The following TAFA1 variants were observed in gnomAD, a reference collection of about 807,000 sequenced individuals.
TAFA1 encodes chemokine-like protein TAFA-1.
A neutral mutation model predicts 18.5 loss-of-function variants in TAFA1; 4 were observed. The observed-to-expected ratio is 0.22, with a 90% confidence interval of 0.11 to 0.49. The LOEUF (loss-of-function observed/expected upper bound fraction) is 0.49, where lower values mean the gene tolerates loss of function less well. TAFA1 is among the 20% of genes least tolerant of loss of function. TAFA1 has a pLI of 0.98. For synonymous variants in TAFA1, 56 were observed against 55.2 expected, an observed-to-expected ratio of 1.01 and a Z score of -0.06; for missense variants, 147 against 169.0, an observed-to-expected ratio of 0.87 and a Z score of 0.72.
chr3:68,385,541 G>A (rs916751645), intron 2 of TAFA1, among the ~76,000 whole-genome samples: 11 of 152,014 alleles, frequency 7.2e-5, no homozygotes, highest in Admixed American at 1.3e-4. Flanking sequence ...TACACTATTC[G>A]TTTCTGCCTT....
chr3:68,483,714 T>C (rs1215349578), intron 3 of TAFA1, among the ~76,000 whole-genome samples: 1 of 152,192 alleles, frequency 6.6e-6, no homozygotes, highest in Non-Finnish European at 1.5e-5. Context: ...GTGGGGCTGA[T>C]ATAGGTAAAC....
At chr3:68,233,156 G>A (rs1559568717) in intron 2 of TAFA1, among the ~76,000 whole-genome samples, 1 of 151,774 alleles carries the variant, frequency 6.6e-6, no homozygotes. Context: ...TATCTTTTTT[G>A]AGAAATTTCT....
chr3:68,512,911 C>T (rs2072870971), intron 3 of TAFA1, among the ~76,000 whole-genome samples: 1 of 152,072 alleles, frequency 6.6e-6, no homozygotes, highest in African/African-American at 2.4e-5. Context: ...TCCATCTCCA[C>T]CTTTGTACAT....
At position 68,273,645 on chromosome 3, in the gene TAFA1, A is replaced by G. The variant is rs7626268; in HGVS notation, c.119-143635A>G. Reference sequence around the variant, plus strand: ...CTCCCTAAGACTAATAGAAATTGTGATTTGAAACCACTCTTGCTTCTGTAA... The same window carrying G: ...CTCCCTAAGACTAATAGAAATTGTGGTTTGAAACCACTCTTGCTTCTGTAA... On this transcript the variant is annotated intron_variant, in intron 2 of 4. Coordinates refer to ENST00000478136, the MANE Select transcript of TAFA1 (RefSeq NM_213609.4). 7.7e-3 allele frequency among the ~76,000 whole-genome samples: 1,168 copies of G among 152,172 alleles called. 14 individuals carry two copies. Among genetic ancestry groups the G allele is most frequent in the African/African-American group, 0.025 (1,025 of 41,528 alleles).
At chr3:68,445,593 A>C (rs558103932) in intron 3 of TAFA1, among the ~76,000 whole-genome samples, 2 of 152,248 alleles carry the variant, frequency 1.3e-5, no homozygotes, top group African/African-American at 4.8e-5. Flanking sequence ...CTGTAAACTG[A>C]CTAGGAGGGA....
chr3:68,108,743 A>C (rs770855190), intron 2 of TAFA1, among the ~76,000 whole-genome samples: 1 of 152,118 alleles, frequency 6.6e-6, no homozygotes, highest in African/African-American at 2.4e-5. Flanking sequence ...TTCAAAACAA[A>C]ATAGAATATG....
intron 3 of TAFA1, among the ~76,000 whole-genome samples, chr3:68,456,584 C>T (rs2071670447): frequency 6.6e-6 from 1 of 152,168 alleles, no homozygotes; most frequent in South Asian, 2.1e-4. Flanking sequence ...TTAGATCTTT[C>T]ACCTTCCTTT....
intron 2 of TAFA1, among the ~76,000 whole-genome samples, chr3:68,223,997 A>G (rs1451053472): frequency 1.3e-5 from 2 of 150,920 alleles, no homozygotes; most frequent in African/African-American, 2.4e-5. Flanking sequence ...AGTTAATGAG[A>G]ATAAAATTTA....
At chr3:68,285,838 A>G (rs1389749671) in intron 2 of TAFA1, among the ~76,000 whole-genome samples, 1 of 152,228 alleles carries the variant, frequency 6.6e-6, no homozygotes, top group Non-Finnish European at 1.5e-5. Context: ...ACGTGAGAGC[A>G]AAGATATGAA....
At chr3:68,313,071 G>T (rs2068547399) in intron 2 of TAFA1, among the ~76,000 whole-genome samples, 1 of 152,110 alleles carries the variant, frequency 6.6e-6, no homozygotes, top group South Asian at 2.1e-4. Flanking sequence ...CATGAGAAAA[G>T]AATGGGAAAG....
intron 2 of TAFA1, among the ~76,000 whole-genome samples, chr3:68,041,661 G>A (rs7373042): frequency 0.59 from 89,794 of 152,138 alleles, 26,896 homozygotes; most frequent in East Asian, 0.65. Context: ...GTGTGGAGAA[G>A]CAGGACAGTC....
chr3:68,003,292 C>A (rs992350702), upstream of TAFA1, among the ~76,000 whole-genome samples: 6 of 152,174 alleles, frequency 3.9e-5, no homozygotes, highest in African/African-American at 9.7e-5. Context: ...CAGCATTGGA[C>A]CTTCTTTATT....
At chr3:68,183,197 T>G (rs1481608680) in intron 2 of TAFA1, among the ~76,000 whole-genome samples, 2 of 152,172 alleles carry the variant, frequency 1.3e-5, no homozygotes, top group Non-Finnish European at 2.9e-5. Context: ...AAGTTCACCT[T>G]TTAAAGTTAT....
At chr3:68,055,238 G>T (rs968044160) in intron 2 of TAFA1, among the ~76,000 whole-genome samples, 1 of 152,162 alleles carries the variant, frequency 6.6e-6, no homozygotes, top group African/African-American at 2.4e-5. Flanking sequence ...TAAGGGCTGA[G>T]GAGCAGAGGA....
At chr3:68,057,372 C>T (rs1445577227) in intron 2 of TAFA1, among the ~76,000 whole-genome samples, 1 of 152,176 alleles carries the variant, frequency 6.6e-6, no homozygotes, top group Non-Finnish European at 1.5e-5. Context: ...TTTTCTTCAT[C>T]CCTCTATTGC....
chr3:68,120,664 G>T (rs911016314), intron 2 of TAFA1, among the ~76,000 whole-genome samples: 4 of 152,154 alleles, frequency 2.6e-5, no homozygotes, highest in Admixed American at 1.3e-4. Context: ...CACATGAAGA[G>T]AAAGCACTAC....
At chr3:68,413,988 A>G in intron 2 of TAFA1, among the ~76,000 whole-genome samples, 1 of 152,050 alleles carries the variant, frequency 6.6e-6, no homozygotes, top group Admixed American at 6.5e-5. Context: ...GTGTCCATGG[A>G]GGAAAGTCAA....
At chr3:68,511,862 AC>A (rs1399018964) in intron 3 of TAFA1, among the ~76,000 whole-genome samples, 1 of 152,074 alleles carries the variant, frequency 6.6e-6, no homozygotes, top group East Asian at 1.9e-4. Flanking sequence ...CTTGTTGCAT[AC>A]CTGGAATTGT....
At chr3:68,085,266 A>C (rs116515477) in intron 2 of TAFA1, among the ~76,000 whole-genome samples, 2 of 152,232 alleles carry the variant, frequency 1.3e-5, no homozygotes, top group East Asian at 1.9e-4. Flanking sequence ...GAGACATTCA[A>C]TTAAAGAAAG....
Sources: allele counts gnomAD v4.1 joint callset (sites outside exome capture counted in the v4.1 genomes callset), GRCh38; gene constraint gnomAD v4.1.1; transcripts MANE v1.5; gene names NCBI Gene and HGNC (gene_info 2026-07-23, HGNC 2026-07-21).